Variants in CA5A observed in about 807,000 individuals in gnomAD.
CA5A encodes carbonic anhydrase 5A, also known as carbonic anhydrase 5A, mitochondrial.
In CA5A, 28 loss-of-function variants were observed where a neutral mutation model predicts 37.1. That is an observed-to-expected ratio of 0.75 (90% CI 0.56 to 1.03). The LOEUF is 1.03. Ranked by LOEUF, CA5A falls within the 50% of genes least tolerant of loss-of-function variation. The pLI, the probability that CA5A is intolerant of heterozygous loss-of-function variation, is 0.00. For missense variants in CA5A, 444 were observed against 399.9 expected, an observed-to-expected ratio of 1.11 and a Z score of -0.94; for synonymous variants, 171 against 158.4, an observed-to-expected ratio of 1.08 and a Z score of -0.60.
chr16:87,934,645 G>T (rs1271131174), intron 1 of CA5A, among the ~76,000 whole-genome samples: 6 of 151,976 alleles, frequency 3.9e-5, no homozygotes, highest in Non-Finnish European at 8.8e-5. Context: ...GCAGGCTAGC[G>T]CTCTTGACGG....
At chr16:87,927,856 CAAAA>C (rs569544193) in intron 1 of CA5A, among the ~76,000 whole-genome samples, 1 of 78,944 alleles carries the variant, frequency 1.3e-5, no homozygotes, top group Non-Finnish European at 2.7e-5. Context: ...GACTCTGCCT[CAAAA>C]AAAAAAAAAA....
At chr16:87,929,510 A>C (rs1001073018) in intron 1 of CA5A, among the ~76,000 whole-genome samples, 1 of 151,860 alleles carries the variant, frequency 6.6e-6, no homozygotes, top group Non-Finnish European at 1.5e-5. Flanking sequence ...CACCTAGGTC[A>C]AATGGTTAGC....
At chr16:87,906,903 T>C (rs1363552729) in intron 2 of CA5A, among the ~76,000 whole-genome samples, 1 of 152,126 alleles carries the variant, frequency 6.6e-6, no homozygotes, top group Non-Finnish European at 1.5e-5. Flanking sequence ...AAAGAGTCCT[T>C]CCCACAATAA....
intron 2 of CA5A, among the ~76,000 whole-genome samples, chr16:87,915,243 A>G (rs922626588): frequency 5.3e-5 from 8 of 152,146 alleles, no homozygotes; most frequent in African/African-American, 1.9e-4. Context: ...AGCTCCACCA[A>G]ACTCCCTCAG....
In CA5A at chr16:87,891,965, G is replaced by T. The variant is rs532477029; in HGVS notation, c.619-11C>A. ...GGCCGCCCGCGCGTCCTGAGAGACC[G>T]AGAAGCACAGGACGTGTCAGTCCTC... On this transcript the variant is annotated splice_polypyrimidine_tract_variant and intron_variant, in intron 5 of 6. Transcript: ENST00000649794. 3 of 1,526,634 alleles carry T rather than the reference G, an allele frequency of 2.0e-6. No homozygotes were observed. The highest frequency in any genetic ancestry group is 1.2e-5 in the South Asian group (1 of 80,300). The allele number at this position is 1,526,634 out of a possible 1,614,324, so 94.6% of individuals were successfully genotyped here.
At chr16:87,925,927 A>G (rs2144065743) in intron 2 of CA5A, among the ~76,000 whole-genome samples, 1 of 152,184 alleles carries the variant, frequency 6.6e-6, no homozygotes, top group East Asian at 1.9e-4. Flanking sequence ...GGATGCATTT[A>G]AAAGGTCAGC....
intron 1 of CA5A, among the ~76,000 whole-genome samples, chr16:87,935,859 G>T (rs986285356): frequency 6.6e-6 from 1 of 151,442 alleles, no homozygotes; most frequent in African/African-American, 2.4e-5. Context: ...CTGGGCAAAA[G>T]AGCAAAACTT....
chr16:87,902,694 C>G lies in CA5A; in HGVS notation c.460-174G>C, dbSNP rs184322776. Among the ~76,000 whole-genome samples the G allele has an allele frequency of 4.6e-5, 7 of 151,570 alleles. No individual in the cohort carries two copies. In the East Asian group the frequency reaches 1.2e-3, roughly 25 times the overall value. On this transcript the variant is annotated intron_variant, in intron 3 of 6. Transcript: ENST00000649794. ...GGCGGAGGCGGGTGGATCACGAGGT[C>G]AGGAGATCGAGACCATGCTGGCTAA...
intron 2 of CA5A, among the ~76,000 whole-genome samples, chr16:87,913,042 G>A (rs1176603884): frequency 3.3e-5 from 5 of 151,340 alleles, no homozygotes; most frequent in African/African-American, 1.2e-4. Flanking sequence ...TGGATGCAGT[G>A]GTACAATCTT....
intron 6 of CA5A, among the ~76,000 whole-genome samples, chr16:87,888,920 T>C (rs1190059549): frequency 1.2e-5 from 1 of 83,002 alleles, no homozygotes; most frequent in Non-Finnish European, 2.9e-5. Flanking sequence ...GCCCGGCTAA[T>C]TTTTTTTTTT....
intron 1 of CA5A, among the ~76,000 whole-genome samples, chr16:87,927,342 C>T (rs1434525992): frequency 2.6e-5 from 4 of 152,096 alleles, no homozygotes; most frequent in African/African-American, 7.2e-5. Flanking sequence ...TCTTGTCTCT[C>T]GGGAAGGGCT....
At chr16:87,925,755 G>A (rs1404839958) in intron 2 of CA5A, 1 of 152,214 alleles carries the variant, frequency 6.6e-6, no homozygotes, top group Admixed American at 6.5e-5. Flanking sequence ...CCAAGCGCTG[G>A]AACCCAGTAA....
chr16:87,933,333 G>A (rs1363452547), intron 1 of CA5A, among the ~76,000 whole-genome samples: 2 of 152,180 alleles, frequency 1.3e-5, no homozygotes, highest in Non-Finnish European at 2.9e-5. Context: ...GATGGGCACT[G>A]CCAGTGCACA....
At chr16:87,894,282 C>A (rs1439801745) in intron 5 of CA5A, among the ~76,000 whole-genome samples, 4 of 152,098 alleles carry the variant, frequency 2.6e-5, no homozygotes, top group African/African-American at 9.7e-5. Context: ...CTGCCCCTGG[C>A]CAGCACTGTG....
intron 2 of CA5A, among the ~76,000 whole-genome samples, chr16:87,915,979 C>A (rs1007155232): frequency 3.3e-5 from 5 of 151,902 alleles, no homozygotes; most frequent in African/African-American, 9.7e-5. Flanking sequence ...GGAGGCCTCG[C>A]AATCACGGCA....
chr16:87,891,779 CA>C lies in CA5A; in HGVS notation c.774+19del. The C allele has an allele frequency of 6.8e-7, 1 of 1,477,686 alleles. No individual in the cohort carries two copies. Among genetic ancestry groups the C allele is most frequent in the South Asian group, 1.4e-5 (1 of 71,790 alleles). 91.5% of individuals were successfully genotyped at this position (1,477,686 alleles called of 1,614,324 possible). ...CGCCTTCCATGAAGCGCCATCGTGC[CA>C]GTTACGGGCACGGCTCACCTGGCTT... is the stretch of plus-strand genomic sequence containing the variant. On this transcript the variant is annotated intron_variant, in intron 6 of 6. Coordinates refer to ENST00000649794, the MANE Select transcript of CA5A (RefSeq NM_001739.2).
In CA5A at chr16:87,891,801, G is replaced by A. The variant is rs2055718160; in HGVS notation, c.772C>T (p.Gln258Ter). 1 of 1,522,342 alleles carries A rather than the reference G, an allele frequency of 6.6e-7. No homozygotes were observed. Among genetic ancestry groups the A allele is most frequent in the Non-Finnish European group, 8.8e-7 (1 of 1,138,824 alleles). The allele number at this position is 1,522,342 out of a possible 1,614,324, so 94.3% of individuals were successfully genotyped here. ...TGCCAGTTACGGGCACGGCTCACCT[G>A]GCTTGGGGCCACTTCAACGGGCTCC... ...QKEPVEVAPS[Q>*]LSAFRTLLFS... is the part of the protein sequence containing the mutation. Residue 258 changes from glutamine (Q) to a stop codon, truncating the protein, a stop_gained and splice_region_variant, in exon 6 of 7, where the codon CAG (glutamine) becomes TAG (stop). Coordinates refer to ENST00000649794, the MANE Select transcript of CA5A (RefSeq NM_001739.2). LOFTEE classifies it low-confidence loss of function (END_TRUNC).
chr16:87,920,921 G>A (rs1242924227), intron 2 of CA5A, among the ~76,000 whole-genome samples: 8 of 152,080 alleles, frequency 5.3e-5, no homozygotes, highest in African/African-American at 1.7e-4. Context: ...AGCCTTCCAA[G>A]TAGTTGGGAT....
At chr16:87,908,988 TA>T (rs2056007972) in intron 2 of CA5A, among the ~76,000 whole-genome samples, 1 of 116,818 alleles carries the variant, frequency 8.6e-6, no homozygotes, top group Admixed American at 8.2e-5. Context: ...CACACCCGGC[TA>T]TTTTTTTTTT....
Sources: gnomAD v4.1 joint callset for allele counts (sites outside exome capture counted in the v4.1 genomes callset) on GRCh38, gnomAD v4.1.1 for gene constraint, MANE v1.5 for transcripts, NCBI Gene and HGNC (gene_info 2026-07-23, HGNC 2026-07-21) for gene names.